The following PLXNA4 variants were observed in gnomAD, a reference collection of about 807,000 sequenced individuals.
PLXNA4 encodes plexin-A4.
PLXNA4 carries 44 observed loss-of-function variants against 191.8 expected under a neutral mutation model. The ratio of observed to expected loss-of-function variants is 0.23; its 90% confidence interval spans 0.18 to 0.29. The LOEUF (loss-of-function observed/expected upper bound fraction) is 0.29. Ranked by LOEUF, PLXNA4 falls within the 10% of genes least tolerant of loss-of-function variation. The pLI, the probability that PLXNA4 is intolerant of heterozygous loss-of-function variation, is 1.00. For synonymous variants in PLXNA4, 1,082 were observed against 1,009.5 expected (o/e 1.07, Z -1.36); for missense variants, 1,800 against 2,488.8 (o/e 0.72, Z 5.89).
intron 3 of PLXNA4, among the ~76,000 whole-genome samples, chr7:132,401,621 C>T (rs1031391408): frequency 7.9e-5 from 12 of 152,174 alleles, no homozygotes; most frequent in African/African-American, 1.2e-4. Flanking sequence ...TTAATCAGGA[C>T]GGGGCATAAG....
chr7:132,563,769 CTT>C (rs2116702357), intron 1 of PLXNA4, among the ~76,000 whole-genome samples: 1 of 108,418 alleles, frequency 9.2e-6, no homozygotes. Context: ...TCCTTTTCCT[CTT>C]CCTCCTCCTC....
At chr7:132,523,083 T>C (rs1293144893) in intron 1 of PLXNA4, among the ~76,000 whole-genome samples, 1 of 151,932 alleles carries the variant, frequency 6.6e-6, no homozygotes, top group Non-Finnish European at 1.5e-5. Context: ...CCAACACTTA[T>C]TCAGCTCCCT....
intron 2 of PLXNA4, among the ~76,000 whole-genome samples, chr7:132,643,579 G>A (rs1433489961): frequency 6.6e-6 from 1 of 152,144 alleles, no homozygotes; most frequent in Non-Finnish European, 1.5e-5. Context: ...GGCACCAAGG[G>A]GAAGGGTTTC....
At chr7:132,466,042 A>T (rs1796687174) in intron 3 of PLXNA4, among the ~76,000 whole-genome samples, 1 of 152,180 alleles carries the variant, frequency 6.6e-6, no homozygotes, top group Admixed American at 6.5e-5. Context: ...AAACATCAAG[A>T]GGCCAGCAAG....
At chr7:132,576,727 C>T (rs866048074), upstream of PLXNA4, 11 of 420,508 alleles carry the variant, frequency 2.6e-5, no homozygotes, top group Middle Eastern at 1.2e-3. The surrounding 1 kb of genome is among the most constrained non-coding windows in gnomAD (Gnocchi z 5.8). Context: ...CACCCCTTTC[C>T]TCCACCCAGC....
intron 1 of PLXNA4, among the ~76,000 whole-genome samples, chr7:132,563,335 CCT>C (rs1801437952): frequency 9.0e-6 from 1 of 111,680 alleles, no homozygotes; most frequent in African/African-American, 3.7e-5. Flanking sequence ...TCCTCCTCCT[CCT>C]TCTCCTCCTC....
chr7:132,398,123 G>A (rs943390010), intron 3 of PLXNA4, among the ~76,000 whole-genome samples: 3 of 152,184 alleles, frequency 2.0e-5, no homozygotes, highest in Non-Finnish European at 2.9e-5. Flanking sequence ...CTCTAGCATG[G>A]TGTGTCCCTG....
At chr7:132,452,940 T>TG (rs1796176921) in intron 3 of PLXNA4, among the ~76,000 whole-genome samples, 1 of 152,072 alleles carries the variant, frequency 6.6e-6, no homozygotes, top group Non-Finnish European at 1.5e-5. Context: ...GGCGGGAACC[T>TG]GGGGGTTCAG....
intron 2 of PLXNA4, among the ~76,000 whole-genome samples, chr7:132,496,826 C>T (rs974337321): frequency 6.6e-6 from 1 of 152,114 alleles, no homozygotes; most frequent in African/African-American, 2.4e-5. Context: ...AGTCCCTTTC[C>T]CAGCACCAGG....
At chr7:132,250,659 T>G in intron 4 of PLXNA4, among the ~76,000 whole-genome samples, 1 of 152,172 alleles carries the variant, frequency 6.6e-6, no homozygotes, top group East Asian at 1.9e-4. Context: ...CAGAGGAGAC[T>G]GCAGCCAGAG....
At chr7:132,487,357 C>G (rs1252658796) in intron 3 of PLXNA4, among the ~76,000 whole-genome samples, 1 of 152,130 alleles carries the variant, frequency 6.6e-6, no homozygotes, top group Non-Finnish European at 1.5e-5. Flanking sequence ...TTAAAGCATC[C>G]CCCATACTGC....
At chr7:132,616,523 A>C (rs76466076) in intron 2 of PLXNA4, among the ~76,000 whole-genome samples, 3,760 of 152,164 alleles carry the variant, frequency 0.025, 135 homozygotes, top group African/African-American at 0.085. Flanking sequence ...TAATTGCTTG[A>C]CTCATCCATA....
At chr7:132,543,698 T>C (rs1800176529) in intron 1 of PLXNA4, among the ~76,000 whole-genome samples, 1 of 152,220 alleles carries the variant, frequency 6.6e-6, no homozygotes, top group African/African-American at 2.4e-5. Context: ...ACTTGAATGC[T>C]AGGCTAAAAA....
chr7:132,202,967 C>G (rs1797490557), intron 11 of PLXNA4, 131 bp from the exon 12 acceptor site: 1 of 970,878 alleles, frequency 1.0e-6, no homozygotes, highest in East Asian at 2.7e-5. Flanking sequence ...GCCCCCTTAG[C>G]CATTCTGATG....
intron 2 of PLXNA4, among the ~76,000 whole-genome samples, chr7:132,615,274 T>C (rs1803129344): frequency 6.6e-6 from 1 of 152,056 alleles, no homozygotes; most frequent in South Asian, 2.1e-4. Flanking sequence ...ATGATGTCCT[T>C]CACAGAGAGG....
chr7:132,591,600 G>C (rs1802604543), intron 2 of PLXNA4, among the ~76,000 whole-genome samples: 1 of 152,108 alleles, frequency 6.6e-6, no homozygotes, highest in South Asian at 2.1e-4. Context: ...GTATATGTTG[G>C]AAATGCTCAA....
intron 1 of PLXNA4, among the ~76,000 whole-genome samples, chr7:132,546,176 T>C (rs1172811141): frequency 6.6e-6 from 1 of 152,224 alleles, no homozygotes; most frequent in Admixed American, 6.5e-5. Context: ...GTAGCTCACC[T>C]ACTCCTAAAA....
rs570439709 is a variant in PLXNA4 at position 132,537,639 on chromosome 7, C to T, written c.-86-28860G>A. Among the ~76,000 whole-genome samples, 4 of 152,276 alleles carry T rather than the reference C, an allele frequency of 2.6e-5. No homozygotes were observed. In the South Asian group the frequency reaches 8.3e-4, roughly 32 times the overall value. On this transcript the variant is annotated intron_variant, in intron 1 of 31. Coordinates refer to ENST00000321063, the MANE Select transcript of PLXNA4 (RefSeq NM_020911.2). Reference sequence around the variant, plus strand: ...ACCAGACCCGGAAGAGGGTGGGAGGCATCTACTCAACATGCTCTACTGTGC... The same window carrying T: ...ACCAGACCCGGAAGAGGGTGGGAGGTATCTACTCAACATGCTCTACTGTGC...
chr7:132,486,153 G>A (rs748555232), intron 3 of PLXNA4, among the ~76,000 whole-genome samples: 4 of 152,174 alleles, frequency 2.6e-5, no homozygotes, highest in Non-Finnish European at 5.9e-5. Context: ...AACCAACTCT[G>A]TAATTATGGC....
Sources: gnomAD v4.1 joint callset for allele counts (sites outside exome capture counted in the v4.1 genomes callset) on GRCh38, gnomAD v4.1.1 for gene constraint, Gnocchi (gnomAD v3.1) non-coding constraint, MANE v1.5 for transcripts, NCBI Gene and HGNC (gene_info 2026-07-23, HGNC 2026-07-21) for gene names.